The following DENND5B variants were observed in gnomAD, a reference collection of about 807,000 sequenced individuals.
DENND5B encodes DENN domain-containing protein 5B.
DENND5B carries 34 observed loss-of-function variants against 140.6 expected under a neutral mutation model. The ratio of observed to expected loss-of-function variants is 0.24; its 90% CI spans 0.18 to 0.32. The LOEUF (loss-of-function observed/expected upper bound fraction) is 0.32, where lower values mean the gene tolerates loss of function less well. DENND5B is among the 10% of genes least tolerant of loss of function. DENND5B has a pLI of 1.00. For synonymous variants in DENND5B, 551 were observed against 562.1 expected (o/e 0.98, Z 0.28); for missense variants, 1,142 against 1,560.2 (o/e 0.73, Z 4.52).
intron 1 of DENND5B, among the ~76,000 whole-genome samples, chr12:31,552,701 C>CT (rs1818664398): frequency 6.6e-6 from 1 of 152,078 alleles, no homozygotes. Context: ...TGGTCCTGGA[C>CT]TTTTTTTGGT....
chr12:31,569,409 CA>C (rs1949738894), intron 1 of DENND5B, among the ~76,000 whole-genome samples: 1 of 152,104 alleles, frequency 6.6e-6, no homozygotes, highest in East Asian at 1.9e-4. Flanking sequence ...GCTCTGGAAA[CA>C]AAAAGTAGGA....
chr12:31,498,989 A>G (rs900903099), intron 1 of DENND5B, among the ~76,000 whole-genome samples: 17 of 146,000 alleles, frequency 1.2e-4, no homozygotes, highest in South Asian at 4.2e-4. Flanking sequence ...AAAAAAAAAA[A>G]AGAGAATTTA....
At chr12:31,476,982 A>T (rs1192955044) in intron 3 of DENND5B, among the ~76,000 whole-genome samples, 1 of 152,116 alleles carries the variant, frequency 6.6e-6, no homozygotes, top group Non-Finnish European at 1.5e-5. Context: ...TAATCCCAGC[A>T]CTTTGGGAGG....
intron 8 of DENND5B, among the ~76,000 whole-genome samples, chr12:31,431,257 C>T (rs143065920): frequency 7.2e-5 from 11 of 152,212 alleles, no homozygotes; most frequent in African/African-American, 2.2e-4. Flanking sequence ...TTCTAGTAAA[C>T]GCCCTAGCCC....
chr12:31,484,782 C>T (rs1175944906), intron 2 of DENND5B, among the ~76,000 whole-genome samples: 1 of 151,978 alleles, frequency 6.6e-6, no homozygotes, highest in East Asian at 1.9e-4. Flanking sequence ...GCCTAGGCAA[C>T]AGAGTGAGAC....
chr12:31,428,983 G>A (rs1002135964), intron 8 of DENND5B, among the ~76,000 whole-genome samples: 2 of 151,782 alleles, frequency 1.3e-5, no homozygotes, highest in East Asian at 1.9e-4. Context: ...CACCCGCCTC[G>A]GCCTCCCAAA....
chr12:31,487,670 C>G (rs1946363537), intron 2 of DENND5B, among the ~76,000 whole-genome samples: 1 of 152,078 alleles, frequency 6.6e-6, no homozygotes, highest in African/African-American at 2.4e-5. Flanking sequence ...CCACTGCACT[C>G]CAGCCTAGAA....
intron 11 of DENND5B, among the ~76,000 whole-genome samples, chr12:31,422,543 G>GT (rs941932356): frequency 3.9e-5 from 6 of 152,194 alleles, no homozygotes; most frequent in Non-Finnish European, 5.9e-5. Context: ...AGAGGTTGCA[G>GT]TGAGCCGAGA....
At chr12:31,532,038 C>G (rs1361005976) in intron 1 of DENND5B, among the ~76,000 whole-genome samples, 1 of 152,174 alleles carries the variant, frequency 6.6e-6, no homozygotes, top group African/African-American at 2.4e-5. Flanking sequence ...AATGCCTGCT[C>G]TCATGGAATT....
At chr12:31,477,307 C>T (rs1354695253) in intron 3 of DENND5B, among the ~76,000 whole-genome samples, 2 of 152,084 alleles carry the variant, frequency 1.3e-5, no homozygotes, top group Admixed American at 6.5e-5. Context: ...CCCCTTCTAG[C>T]CATTCTCTAA....
At chr12:31,583,349 T>C (rs1175327128) in intron 1 of DENND5B, among the ~76,000 whole-genome samples, 2 of 150,806 alleles carry the variant, frequency 1.3e-5, no homozygotes, top group East Asian at 3.9e-4. Context: ...CCTAAGGTTG[T>C]TGTCCAGACT....
intron 2 of DENND5B, among the ~76,000 whole-genome samples, chr12:31,481,564 G>A (rs942182580): frequency 4.6e-5 from 7 of 152,210 alleles, no homozygotes; most frequent in African/African-American, 1.4e-4. Flanking sequence ...ACCTCAGGAC[G>A]AGTATAGGTC....
In DENND5B at chr12:31,385,087, A is replaced by G. The variant is rs750358370; in HGVS notation, c.*2516T>C. ...TAGCCACCGTACCTGGCCTGCTCCCAGTTTTTACAAGATGTTAATTCCCAA... is the reference window on the plus strand; with the variant it reads ...TAGCCACCGTACCTGGCCTGCTCCCGGTTTTTACAAGATGTTAATTCCCAA... On this transcript the variant is annotated 3_prime_UTR_variant, in exon 21 of 21. Coordinates refer to ENST00000389082, the MANE Select transcript of DENND5B (RefSeq NM_144973.4). The G allele has an allele frequency of 5.9e-5, 9 of 152,028 alleles. No individual in the cohort carries two copies. The highest frequency in any genetic ancestry group is 1.2e-4 in the Non-Finnish European group (8 of 68,016). 9.4% of individuals were successfully genotyped at this position (152,028 alleles called of 1,614,324 possible).
intron 1 of DENND5B, among the ~76,000 whole-genome samples, chr12:31,564,679 C>A (rs1421754743): frequency 6.6e-6 from 1 of 151,688 alleles, no homozygotes; most frequent in Non-Finnish European, 1.5e-5. Flanking sequence ...ACCTCCAACT[C>A]CCAGGCTCAA....
intron 1 of DENND5B, among the ~76,000 whole-genome samples, chr12:31,575,165 G>C (rs1014702612): frequency 6.6e-6 from 1 of 152,142 alleles, no homozygotes; most frequent in Non-Finnish European, 1.5e-5. Flanking sequence ...TGTTACCCCA[G>C]CCATTTATAT....
intron 14 of DENND5B, among the ~76,000 whole-genome samples, chr12:31,408,619 T>G (rs1192591419): frequency 1.3e-5 from 1 of 74,898 alleles, no homozygotes; most frequent in Non-Finnish European, 2.4e-5. Context: ...GGAGTGAGAC[T>G]CTATCAAAAA....
intron 14 of DENND5B, among the ~76,000 whole-genome samples, chr12:31,405,241 G>A (rs373746052): frequency 1.3e-5 from 2 of 150,086 alleles, no homozygotes; most frequent in East Asian, 2.0e-4. Flanking sequence ...TTTGAGACAC[G>A]GTCTCGCTCT....
chr12:31,458,704 G>A (rs1373364307), intron 4 of DENND5B, among the ~76,000 whole-genome samples: 1 of 152,146 alleles, frequency 6.6e-6, no homozygotes, highest in African/African-American at 2.4e-5. Context: ...GTGGCTTAGT[G>A]TGTTAAATTC....
intron 20 of DENND5B, among the ~76,000 whole-genome samples, chr12:31,388,027 T>G (rs1057174032): frequency 2.6e-5 from 4 of 152,188 alleles, no homozygotes; most frequent in Non-Finnish European, 5.9e-5. Context: ...CCCAATTTAA[T>G]GTACTTTAAG....
Sources: gnomAD v4.1 joint callset for allele counts (sites outside exome capture counted in the v4.1 genomes callset) on GRCh38, gnomAD v4.1.1 for gene constraint, MANE v1.5 for transcripts, NCBI Gene and HGNC (gene_info 2026-07-23, HGNC 2026-07-21) for gene names.